NPM2: variants seen among roughly 807,000 people sequenced by gnomAD.
The protein encoded by NPM2 is nucleoplasmin-2.
A neutral mutation model predicts 32.0 loss-of-function variants in NPM2; 25 were observed. The observed-to-expected ratio is 0.78, with a 90% CI of 0.57 to 1.09. The LOEUF (loss-of-function observed/expected upper bound fraction) is 1.09. Ranked by LOEUF, NPM2 falls within the 50% of genes least tolerant of loss-of-function variation. The probability of loss-of-function intolerance (pLI) is 0.00; values close to 1 mark genes in which losing one functional copy is unlikely to be tolerated. For synonymous variants in NPM2, 111 were observed against 94.2 expected, an observed-to-expected ratio of 1.18 and a Z score of -1.04; for missense variants, 282 against 259.9, an observed-to-expected ratio of 1.08 and a Z score of -0.58.
chr8:22,032,005 A>G (rs1800458183), intron 5 of NPM2, among the ~76,000 whole-genome samples: 1 of 152,062 alleles, frequency 6.6e-6, no homozygotes, highest in Non-Finnish European at 1.5e-5. Flanking sequence ...GTTTGTTTTC[A>G]CTTATTACCT....
chr8:22,029,434 G>A (rs930553192), intron 5 of NPM2, among the ~76,000 whole-genome samples: 2 of 152,116 alleles, frequency 1.3e-5, no homozygotes, highest in African/African-American at 2.4e-5. Context: ...GTGAGCTACC[G>A]CACCTGGCCT....
At position 22,034,220 on chromosome 8, in the gene NPM2, G is replaced by T. The variant is rs371273349; in HGVS notation, c.476G>T (p.Ser159Ile). Residue 159 changes from serine (S) to isoleucine (I), a missense_variant, in exon 7 of 10, where the codon AGC (serine) becomes ATC (isoleucine). Physicochemically the swap from Ser to Ile is moderately radical, Grantham distance 142. Coordinates refer to ENST00000518119, the MANE Select transcript of NPM2 (RefSeq NM_001286680.2). ...GCAGATATATCTCTGGAGGAGCAAA[G>T]CCCTGTCAAACAAGTCAAAAGGCTG... Reference protein sequence around the residue: ...EDADISLEEQSPVKQVKRLVP... With the variant: ...EDADISLEEQIPVKQVKRLVP... The T allele has an allele frequency of 1.8e-4, 296 of 1,610,860 alleles. No individual in the cohort carries two copies. Among genetic ancestry groups the T allele is most frequent in the Non-Finnish European group, 2.3e-4 (274 of 1,178,486 alleles).
chr8:22,027,136 T>A (rs1466565205), intron 5 of NPM2, among the ~76,000 whole-genome samples: 2 of 152,236 alleles, frequency 1.3e-5, no homozygotes, highest in Non-Finnish European at 2.9e-5. Flanking sequence ...GAGCCCTTTT[T>A]TTTACCTGTA....
At chr8:22,034,964 C>T (rs901421900) in intron 8 of NPM2, among the ~76,000 whole-genome samples, 3 of 152,020 alleles carry the variant, frequency 2.0e-5, no homozygotes, top group Non-Finnish European at 2.9e-5. Context: ...AAAAATTAAC[C>T]GAGCCTGGTG....
In NPM2 at chr8:22,036,517, T is replaced by C. The variant is rs1800627531; in HGVS notation, c.591T>C (p.Pro197=). Reference sequence around the variant, plus strand: ...GAGCCAGCGTTAGAGACAAGAGCCCTGTGAAAAAGGTGAGTAGGACCAGAG... The same window carrying C: ...GAGCCAGCGTTAGAGACAAGAGCCCCGTGAAAAAGGTGAGTAGGACCAGAG... ...EIRASVRDKS[P]VKKAKATARA... is the part of the protein sequence containing the mutation. The change falls in exon 9 of 10, where the codon CCT becomes CCC. Residue 197 remains proline (P), a synonymous_variant. Coordinates refer to ENST00000518119, the MANE Select transcript of NPM2 (RefSeq NM_001286680.2). 5 of 1,602,558 alleles carry C rather than the reference T, an allele frequency of 3.1e-6. No individual in the cohort carries two copies. The highest frequency in any genetic ancestry group is 2.7e-5 in the African/African-American group (2 of 74,604).
intron 5 of NPM2, 79 bp from the exon 6 acceptor site, chr8:22,033,051 C>T (rs1438591116): frequency 9.9e-7 from 1 of 1,014,470 alleles, no homozygotes. Flanking sequence ...GAAATCAACT[C>T]AGTATTTCTG....
At position 22,034,220 on chromosome 8, in the gene NPM2, G is replaced by A; in HGVS notation, c.476G>A (p.Ser159Asn). The change falls in exon 7 of 10, where the codon AGC becomes AAC. Residue 159 changes from serine (S) to asparagine (N), a missense_variant. By Grantham distance (46) the Ser-to-Asn change is conservative (BLOSUM62 1). Transcript: ENST00000518119. Reference sequence around the variant, plus strand: ...GCAGATATATCTCTGGAGGAGCAAAGCCCTGTCAAACAAGTCAAAAGGCTG... The same window carrying A: ...GCAGATATATCTCTGGAGGAGCAAAACCCTGTCAAACAAGTCAAAAGGCTG... ...EDADISLEEQ[S>N]PVKQVKRLVP... 1 of 1,610,980 alleles carries A rather than the reference G, an allele frequency of 6.2e-7. No homozygotes were observed. The highest frequency in any genetic ancestry group is 8.5e-7 in the Non-Finnish European group (1 of 1,178,480).
intron 8 of NPM2, 39 bp downstream of exon 8, chr8:22,034,583 G>A (rs773644836): frequency 6.6e-7 from 1 of 1,514,208 alleles, no homozygotes; most frequent in Non-Finnish European, 9.2e-7. Context: ...AAAGTCTCCA[G>A]CTGAGATATA....
chr8:22,030,414 T>A lies in NPM2; in HGVS notation c.271-2716T>A, dbSNP rs117296388. Among the ~76,000 whole-genome samples the A allele has an allele frequency of 6.9e-3, 1,046 of 152,034 alleles. 11 individuals carry two copies. Among genetic ancestry groups the A allele is most frequent in the Middle Eastern group, 0.027 (8 of 294 alleles). ...CACCATGCCCAGCTAATGTTTATTA[T>A]TTTTTTGTAGAGCTGGAGTCTCACT... On this transcript the variant is annotated intron_variant, in intron 5 of 9. Transcript: ENST00000518119.
Position 22,032,317 on chromosome 8 carries a change from T to C in NPM2, c.271-813T>C, listed in dbSNP as rs139566372. Among the ~76,000 whole-genome samples, 21 of 152,386 alleles carry C rather than the reference T, an allele frequency of 1.4e-4. No homozygotes were observed. In the East Asian group the frequency reaches 4.0e-3, roughly 29 times the overall value. ...AAACCTTTATTCTTATGTATATCCA[T>C]ACATTATACATAAGACAAAAGTAGT... On this transcript the variant is annotated intron_variant, in intron 5 of 9. Coordinates refer to ENST00000518119, the MANE Select transcript of NPM2 (RefSeq NM_001286680.2).
chr8:22,033,169 T>G lies in NPM2; in HGVS notation c.310T>G (p.Phe104Val). The change falls in exon 6 of 10, where the codon TTC becomes GTC. Residue 104 changes from phenylalanine to valine, a missense_variant. Transcript: ENST00000518119. Reference protein sequence around the residue: ...VGVQLSPPVTFQLRAGSGPVF... With the variant: ...VGVQLSPPVTVQLRAGSGPVF... Reference sequence around the variant, plus strand: ...AGTGCAGCTTTCTCCCCCAGTTACTTTCCAGCTCCGGGCTGGCTCAGGACC... The same window carrying G: ...AGTGCAGCTTTCTCCCCCAGTTACTGTCCAGCTCCGGGCTGGCTCAGGACC... The G allele has an allele frequency of 6.2e-7, 1 of 1,614,098 alleles. No individual in the cohort carries two copies. The highest frequency in any genetic ancestry group is 8.5e-7 in the Non-Finnish European group (1 of 1,180,004).
At chr8:22,033,504 T>TA (rs1800511253) in intron 6 of NPM2, among the ~76,000 whole-genome samples, 1 of 152,138 alleles carries the variant, frequency 6.6e-6, no homozygotes, top group African/African-American at 2.4e-5. Flanking sequence ...CTCAGCGTAA[T>TA]ACCCAGCACT....
At position 22,025,686 on chromosome 8, in the gene NPM2, G is replaced by A. The variant is rs1800223379; in HGVS notation, c.184G>A (p.Val62Met). Reference sequence around the variant, plus strand: ...GAAAGCCAAAGAGGAGATGCATCGCGTGGAGATCCTGCCCCCAGCAAACCA... The same window carrying A: ...GAAAGCCAAAGAGGAGATGCATCGCATGGAGATCCTGCCCCCAGCAAACCA... ...GEKAKEEMHR[V>M]EILPPANQED... Residue 62 changes from valine (V) to methionine (M), a missense_variant, in exon 5 of 10, where the codon GTG becomes ATG. Transcript: ENST00000518119. 1 of 1,614,138 alleles carries A rather than the reference G, an allele frequency of 6.2e-7. No individual in the cohort carries two copies. The highest frequency in any genetic ancestry group is 1.7e-5 in the Admixed American group (1 of 60,030).
intron 5 of NPM2, among the ~76,000 whole-genome samples, chr8:22,029,419 T>C (rs1254663959): frequency 6.6e-6 from 1 of 152,200 alleles, no homozygotes; most frequent in East Asian, 1.9e-4. Flanking sequence ...GCTGGAATTA[T>C]AGGTGTGAGC....
intron 8 of NPM2, 111 bp from the exon 9 acceptor site, chr8:22,036,382 C>T: frequency 9.5e-7 from 1 of 1,054,122 alleles, no homozygotes; most frequent in Non-Finnish European, 1.4e-6. Flanking sequence ...CCAGGAGGAG[C>T]AGCCAGGCTT....
At chr8:22,034,674 C>G (rs866171937) in intron 8 of NPM2, 130 bp downstream of exon 8, 2 of 733,686 alleles carry the variant, frequency 2.7e-6, no homozygotes, top group South Asian at 1.8e-5. Flanking sequence ...CTCGCAGGCA[C>G]ATGGGTATGG....
In NPM2 at chr8:22,025,496, A is replaced by G; in HGVS notation, c.119A>G (p.Gln40Arg). 6.2e-7 allele frequency: 1 copy of G among 1,614,188 alleles called. No homozygotes were observed. The highest frequency in any genetic ancestry group is 8.5e-7 in the Non-Finnish European group (1 of 1,180,030). Residue 40 changes from glutamine (Q) to arginine (R), a missense_variant, in exon 4 of 10, where the codon CAG becomes CGG. By Grantham distance (43) the Gln-to-Arg change is conservative (BLOSUM62 1). Transcript: ENST00000518119. ...WTFRPQLEGK[Q>R]SCRLLLHTIC... is the part of the protein sequence containing the mutation. ...TTCAGACCCCAGCTGGAGGGGAAGC[A>G]GAGCTGCAGGCTGTTGCTTCATACG...
rs369710457 is a variant in NPM2, at chr8:22,033,195, C to T, written c.336C>T (p.Pro112=). The change falls in exon 6 of 10, where the codon CCC becomes CCT. Residue 112 remains proline, a synonymous_variant. Transcript: ENST00000518119. The stretch of plus-strand genomic sequence containing the variant: ...TCCAGCTCCGGGCTGGCTCAGGACC[C>T]GTGTTCCTCAGTGGCCAGGAACGTT... ...VTFQLRAGSG[P]VFLSGQERYE... 24 of 1,613,980 alleles carry T rather than the reference C, an allele frequency of 1.5e-5. No homozygotes were observed. In the South Asian group the frequency reaches 1.9e-4, roughly 13 times the overall value.
intron 3 of NPM2, 41 bp downstream of exon 3, chr8:22,025,347 C>A: frequency 2.5e-6 from 4 of 1,601,260 alleles, no homozygotes; most frequent in African/African-American, 1.3e-5. Flanking sequence ...ACACGCCCCA[C>A]CTCCGGTGCG....
Sources: gnomAD v4.1 joint callset for allele counts (sites outside exome capture counted in the v4.1 genomes callset) on GRCh38, gnomAD v4.1.1 for gene constraint, MANE v1.5 for transcripts, NCBI Gene and HGNC (gene_info 2026-07-23, HGNC 2026-07-21) for gene names.